Variants in MED13L observed in about 807,000 individuals in gnomAD.
The protein encoded by MED13L is mediator of RNA polymerase II transcription subunit 13-like.
MED13L carries 7 observed loss-of-function variants against 220.9 expected under a neutral mutation model. The ratio of observed to expected loss-of-function variants is 0.03; its 90% CI spans 0.02 to 0.06. MED13L has a LOEUF of 0.06. Among genes scored for constraint, MED13L ranks in the 10% least tolerant of loss-of-function variants. The pLI is 1.00. For missense variants in MED13L, 1,965 were observed against 2,760.5 expected, an observed-to-expected ratio of 0.71 and a Z score of 6.46; for synonymous variants, 1,011 against 1,015.2, an observed-to-expected ratio of 1.00 and a Z score of 0.08.
At chr12:115,964,402 G>A (rs538271076) in intron 29 of MED13L, among the ~76,000 whole-genome samples, 6 of 152,252 alleles carry the variant, frequency 3.9e-5, no homozygotes, top group African/African-American at 1.2e-4. Flanking sequence ...GAAGTCACAT[G>A]ATTCATCACT....
At chr12:116,064,714 G>A (rs546130262) in intron 4 of MED13L, among the ~76,000 whole-genome samples, 4 of 152,224 alleles carry the variant, frequency 2.6e-5, no homozygotes, top group African/African-American at 4.8e-5. Context: ...AACCTTCTAC[G>A]GTACTATACT....
At chr12:116,022,426 G>A in intron 5 of MED13L, 30 bp downstream of exon 5, 1 of 1,612,722 alleles carries the variant, frequency 6.2e-7, no homozygotes, top group Non-Finnish European at 8.5e-7. Flanking sequence ...GTGGCGGATA[G>A]GGGTGGAGAG....
chr12:116,152,644 C>T (rs896790092), intron 2 of MED13L, among the ~76,000 whole-genome samples: 9 of 151,886 alleles, frequency 5.9e-5, no homozygotes, highest in Non-Finnish European at 1.2e-4. Flanking sequence ...GGAAAGCAAC[C>T]AAGGAGAGAA....
chr12:116,221,112 T>G (rs1267693815), intron 2 of MED13L, among the ~76,000 whole-genome samples: 1 of 152,090 alleles, frequency 6.6e-6, no homozygotes, highest in Non-Finnish European at 1.5e-5. Context: ...TGGTGGCTCA[T>G]GTGTGTAATC....
chr12:116,208,458 C>T (rs369676366), intron 2 of MED13L, among the ~76,000 whole-genome samples: 6 of 152,138 alleles, frequency 3.9e-5, no homozygotes, highest in South Asian at 2.1e-4. Context: ...CACGAGTTCA[C>T]GATAATATTC....
chr12:116,238,609 A>G (rs1870318367), intron 1 of MED13L, among the ~76,000 whole-genome samples: 1 of 152,194 alleles, frequency 6.6e-6, no homozygotes, highest in Non-Finnish European at 1.5e-5. Flanking sequence ...TTACTCACGC[A>G]TCTCCTTCCC....
chr12:116,254,207 T>C (rs1248080118), intron 1 of MED13L, among the ~76,000 whole-genome samples: 1 of 152,128 alleles, frequency 6.6e-6, no homozygotes, highest in East Asian at 1.9e-4. Flanking sequence ...TTACTACTTC[T>C]ATTCAATACT....
intron 2 of MED13L, among the ~76,000 whole-genome samples, chr12:116,138,221 AC>A (rs1876748657): frequency 6.6e-6 from 1 of 152,088 alleles, no homozygotes; most frequent in African/African-American, 2.4e-5. Context: ...GGATCTAAAT[AC>A]TCTACAAAAT....
intron 2 of MED13L, among the ~76,000 whole-genome samples, chr12:116,219,669 A>G (rs978420104): frequency 6.6e-6 from 1 of 152,206 alleles, no homozygotes; most frequent in Admixed American, 6.5e-5. Flanking sequence ...TCCCAACCAA[A>G]TTATTTTGAG....
In MED13L at chr12:116,249,898, G is replaced by A. The variant is rs188835197; in HGVS notation, c.73-12193C>T. On this transcript the variant is annotated intron_variant, in intron 1 of 30. Coordinates refer to ENST00000281928, the MANE Select transcript of MED13L (RefSeq NM_015335.5). ...GCAATCTAACATACACGCCATTAAC[G>A]TCTCAGAATGTAGGAGAGAAGGGGG... is the stretch of plus-strand genomic sequence containing the variant. Among the ~76,000 whole-genome samples, 865 of 151,184 alleles carry A rather than the reference G, an allele frequency of 5.7e-3. 4 individuals are homozygous for A. Among genetic ancestry groups the A allele is most frequent in the Admixed American group, 0.011 (166 of 15,190 alleles).
At chr12:116,276,622 G>T in intron 1 of MED13L, 1 of 1,198,748 alleles carries the variant, frequency 8.3e-7, no homozygotes, top group Non-Finnish European at 1.1e-6. Context: ...TCAAAAGGCA[G>T]GCGGGCGGGC....
At chr12:116,049,664 T>C (rs775459172) in intron 4 of MED13L, among the ~76,000 whole-genome samples, 4 of 152,220 alleles carry the variant, frequency 2.6e-5, no homozygotes, top group South Asian at 2.1e-4. Context: ...ATTATTGGTA[T>C]TGAGCCTAAA....
intron 2 of MED13L, among the ~76,000 whole-genome samples, chr12:116,153,005 C>G (rs938047284): frequency 8.6e-5 from 13 of 151,920 alleles, no homozygotes; most frequent in Admixed American, 6.6e-4. Context: ...GTAGAACACG[C>G]CCAGGTAGGA....
At chr12:116,070,588 G>T (rs1269641072) in intron 4 of MED13L, among the ~76,000 whole-genome samples, 1 of 152,036 alleles carries the variant, frequency 6.6e-6, no homozygotes, top group Non-Finnish European at 1.5e-5. Context: ...CCACACTAAG[G>T]ATCTAAAACA....
chr12:116,080,025 T>G (rs1166091628), intron 4 of MED13L, among the ~76,000 whole-genome samples: 6 of 152,064 alleles, frequency 3.9e-5, no homozygotes, highest in Admixed American at 2.0e-4. Context: ...TTTGAGGTTT[T>G]TTTTTTTTTT....
At chr12:116,090,641 A>G (rs947819178) in intron 4 of MED13L, among the ~76,000 whole-genome samples, 5 of 152,232 alleles carry the variant, frequency 3.3e-5, no homozygotes, top group African/African-American at 4.8e-5. Flanking sequence ...AATAAATGCT[A>G]AAACTGAAGT....
Position 115,959,370 on chromosome 12 carries a change from A to G in MED13L, c.*1896T>C, listed in dbSNP as rs1218289593. 1 of 152,256 alleles carries G rather than the reference A, an allele frequency of 6.6e-6. No homozygotes were observed. Among genetic ancestry groups the G allele is most frequent in the African/African-American group, 2.4e-5 (1 of 41,310 alleles). The allele number at this position is 152,256 out of a possible 1,614,324, so 9.4% of individuals were successfully genotyped here. A position where few individuals can be genotyped will look rare whatever the true frequency, so the allele number is the denominator to read the frequency against. ...GTTTCTAGGGAAGAAAAGCCCCTGC[A>G]TTAAAAACAGCCCATTTAAAAAAAA... On this transcript the variant is annotated 3_prime_UTR_variant, in exon 31 of 31. Coordinates refer to ENST00000281928, the MANE Select transcript of MED13L (RefSeq NM_015335.5).
At chr12:116,226,714 C>T (rs951891835) in intron 2 of MED13L, among the ~76,000 whole-genome samples, 9 of 152,008 alleles carry the variant, frequency 5.9e-5, no homozygotes, top group South Asian at 2.1e-4. Flanking sequence ...ACTAAAAATA[C>T]AAAAACTAGC....
At chr12:116,183,820 A>ATGTGTGTGTGTG (rs57716114) in intron 2 of MED13L, among the ~76,000 whole-genome samples, 39 of 146,590 alleles carry the variant, frequency 2.7e-4, no homozygotes, top group African/African-American at 7.0e-4. Flanking sequence ...GTGTGTGTGT[A>ATGTGTGTGTGTG]TGTGTGTGTG....
Sources: allele counts gnomAD v4.1 joint callset (sites outside exome capture counted in the v4.1 genomes callset), GRCh38; gene constraint gnomAD v4.1.1; transcripts MANE v1.5; gene names NCBI Gene and HGNC (gene_info 2026-07-23, HGNC 2026-07-21).